Variants in NOC3L observed in about 807,000 individuals in gnomAD.
NOC3L encodes the protein nucleolar complex protein 3 homolog.
A neutral mutation model predicts 102.5 loss-of-function variants in NOC3L; 85 were observed. The observed-to-expected ratio is 0.83, with a 90% confidence interval of 0.70 to 0.99. NOC3L has a LOEUF of 0.99. Among genes scored for constraint, NOC3L ranks in the 50% least tolerant of loss-of-function variants. The pLI, the probability that NOC3L is intolerant of heterozygous loss-of-function variation, is 0.00. For synonymous variants in NOC3L, 303 were observed against 309.4 expected, an observed-to-expected ratio of 0.98 and a Z score of 0.22; for missense variants, 878 against 914.9, an observed-to-expected ratio of 0.96 and a Z score of 0.52.
chr10:94,335,444 TA>T (rs1162866990), intron 19 of NOC3L, among the ~76,000 whole-genome samples: 2 of 151,062 alleles, frequency 1.3e-5, no homozygotes, highest in Non-Finnish European at 3.0e-5. Context: ...TTTTTCCTTT[TA>T]AAAAAAAAGG....
chr10:94,356,580 T>G lies in NOC3L; in HGVS notation c.520A>C (p.Asn174His). Residue 174 changes from asparagine to histidine, a missense_variant, in exon 5 of 21, where the codon AAC (asparagine) becomes CAC (histidine). Asn to His is a moderately conservative substitution (Grantham distance 68, BLOSUM62 1). Coordinates refer to ENST00000371361, the MANE Select transcript of NOC3L (RefSeq NM_022451.11). ...QTREKPVTDS[N>H]KDEEDQEEER... ...TCTTCTTGATCCTCTTCATCTTTGT[T>G]ACTATCAGTAACTATATGGAAAACA... 2.6e-6 allele frequency: 4 copies of G among 1,564,408 alleles called. No individual in the cohort carries two copies. Among genetic ancestry groups the G allele is most frequent in the Non-Finnish European group, 3.5e-6 (4 of 1,135,970 alleles).
chr10:94,321,014 T>C, the NOC3L span, among the ~76,000 whole-genome samples: 2 of 152,202 alleles, frequency 1.3e-5, no homozygotes, highest in Non-Finnish European at 2.9e-5. Flanking sequence ...TTTAATAAGA[T>C]ACATATATCT....
At chr10:94,343,468 G>A (rs2054308819) in intron 13 of NOC3L, among the ~76,000 whole-genome samples, 1 of 152,160 alleles carries the variant, frequency 6.6e-6, no homozygotes, top group Non-Finnish European at 1.5e-5. Flanking sequence ...TTAACCACAA[G>A]GACCGTATCA....
the NOC3L span, chr10:94,324,941 A>C: frequency 6.2e-7 from 1 of 1,614,214 alleles, no homozygotes. Flanking sequence ...AGTGAACTCA[A>C]GAAGCTCACC....
intron 17 of NOC3L, among the ~76,000 whole-genome samples, chr10:94,339,463 T>C (rs1227415409): frequency 6.6e-6 from 1 of 152,222 alleles, no homozygotes; most frequent in Non-Finnish European, 1.5e-5. Context: ...TTGAGTTGTT[T>C]CTATGTGTAT....
chr10:94,337,318 A>AT (rs965241110), intron 19 of NOC3L, among the ~76,000 whole-genome samples: 7 of 142,666 alleles, frequency 4.9e-5, no homozygotes, highest in Admixed American at 2.2e-4. Context: ...CCCTCTCCTC[A>AT]TTTTTTTTTT....
chr10:94,335,363 TAGCAAAACTGCTAAGGA>T (rs2054206682), intron 19 of NOC3L, among the ~76,000 whole-genome samples: 1 of 152,054 alleles, frequency 6.6e-6, no homozygotes. Flanking sequence ...CATCTTTCCT[TAGCAAAACTGCTAAGGA>T]AAACATGCCA....
chr10:94,343,114 C>T (rs1295465007), intron 13 of NOC3L, among the ~76,000 whole-genome samples: 12 of 150,868 alleles, frequency 8.0e-5, no homozygotes, highest in Admixed American at 6.6e-4. Context: ...GCAGATGGCA[C>T]GCAGACAGAC....
At chr10:94,356,819 T>C (rs1037360238) in intron 4 of NOC3L, among the ~76,000 whole-genome samples, 9 of 152,130 alleles carry the variant, frequency 5.9e-5, no homozygotes, top group Non-Finnish European at 1.0e-4. Context: ...TTATAAACCA[T>C]GTAACTTCAC....
chr10:94,349,133 T>C, intron 10 of NOC3L, 117 bp downstream of exon 10: 1 of 1,115,700 alleles, frequency 9.0e-7, no homozygotes, highest in Non-Finnish European at 1.3e-6. Context: ...GTTAAACACT[T>C]AAGGAGCTTG....
At chr10:94,350,514 T>C (rs1220070900) in intron 8 of NOC3L, among the ~76,000 whole-genome samples, 1 of 151,000 alleles carries the variant, frequency 6.6e-6, no homozygotes, top group Non-Finnish European at 1.5e-5. Flanking sequence ...ATTGAGACCA[T>C]CTTGACCAAC....
chr10:94,349,808 G>C (rs939458833), intron 9 of NOC3L, among the ~76,000 whole-genome samples: 2 of 151,968 alleles, frequency 1.3e-5, no homozygotes, highest in African/African-American at 4.8e-5. Context: ...GCCCAGGCTG[G>C]AGTGCAATGG....
chr10:94,325,201 A>G, the NOC3L span: 1 of 901,632 alleles, frequency 1.1e-6, no homozygotes, highest in Non-Finnish European at 1.8e-6. Flanking sequence ...CTTTTCCAAC[A>G]GGAGGATGTC....
the NOC3L span, among the ~76,000 whole-genome samples, chr10:94,317,081 T>C: frequency 6.6e-6 from 1 of 152,098 alleles, no homozygotes; most frequent in Non-Finnish European, 1.5e-5. Context: ...CGAAACCCCA[T>C]CTCTACTAAA....
At chr10:94,340,183 T>C in intron 16 of NOC3L, 93 bp downstream of exon 16, 3 of 1,062,020 alleles carry the variant, frequency 2.8e-6, no homozygotes, top group Non-Finnish European at 4.1e-6. Flanking sequence ...TTTATGTACC[T>C]GTTCCTATTT....
chr10:94,327,055 G>A, the NOC3L span, among the ~76,000 whole-genome samples: 9 of 152,040 alleles, frequency 5.9e-5, no homozygotes, highest in Middle Eastern at 3.4e-3. Flanking sequence ...CCAGCTACTC[G>A]GGAGGCTGAG....
downstream of NOC3L, chr10:94,332,242 CT>C (rs1168142815): frequency 6.6e-6 from 1 of 152,180 alleles, no homozygotes; most frequent in Non-Finnish European, 1.5e-5. Context: ...TCTCTGAAAC[CT>C]TCCCTATTGC....
chr10:94,321,410 G>T, the NOC3L span, among the ~76,000 whole-genome samples: 1 of 152,166 alleles, frequency 6.6e-6, no homozygotes, highest in African/African-American at 2.4e-5. Context: ...GATGCAGGTG[G>T]ATCACAAGGT....
chr10:94,329,560 G>T (rs1280487809), downstream of NOC3L: 1 of 152,130 alleles, frequency 6.6e-6, no homozygotes, highest in African/African-American at 2.4e-5. Flanking sequence ...AAGATGGGCG[G>T]ATCAGGACAG....
Sources: gnomAD v4.1 joint callset for allele counts (sites outside exome capture counted in the v4.1 genomes callset) on GRCh38, gnomAD v4.1.1 for gene constraint, MANE v1.5 for transcripts, NCBI Gene and HGNC (gene_info 2026-07-23, HGNC 2026-07-21) for gene names.